Variants in CCDC171 observed in about 807,000 individuals in gnomAD.
CCDC171 encodes the protein coiled-coil domain-containing protein 171.
CCDC171 carries 177 observed loss-of-function variants against 168.2 expected under a neutral mutation model. The observed-to-expected ratio is 1.05, with a 90% CI of 0.93 to 1.19. The LOEUF (loss-of-function observed/expected upper bound fraction) is 1.19, where lower values mean the gene tolerates loss of function less well. CCDC171 is among the 50% of genes most tolerant of loss of function. CCDC171 has a pLI of 0.00. For missense variants in CCDC171, 1,991 were observed against 1,539.0 expected (o/e 1.29, Z -4.91); for synonymous variants, 687 against 540.8 (o/e 1.27, Z -3.75).
rs140542766 is a variant in CCDC171, at chr9:15,644,066, A to G, written c.823-13061A>G. ...TGCATAATTTTTTGAATCTGTTTTCATTTCTCTTGGGCAAATATATAGGAA... is the reference window on the plus strand; with the variant it reads ...TGCATAATTTTTTGAATCTGTTTTCGTTTCTCTTGGGCAAATATATAGGAA... On this transcript the variant is annotated intron_variant, in intron 7 of 25. Coordinates refer to ENST00000380701, the MANE Select transcript of CCDC171 (RefSeq NM_173550.4). Among the ~76,000 whole-genome samples, 4 of 152,146 alleles carry G rather than the reference A, an allele frequency of 2.6e-5. No individual in the cohort carries two copies. The East Asian group carries it at 7.7e-4, about 29-fold the overall frequency.
chr9:15,568,563 C>G (rs1004334701), intron 2 of CCDC171, among the ~76,000 whole-genome samples: 5 of 152,204 alleles, frequency 3.3e-5, no homozygotes, highest in Admixed American at 2.6e-4. Context: ...AGCCACCGCA[C>G]CCAGCCTTAT....
chr9:16,000,639 G>T (rs1043775791), intron 3 of CCDC171, among the ~76,000 whole-genome samples: 1 of 151,878 alleles, frequency 6.6e-6, no homozygotes, highest in Non-Finnish European at 1.5e-5. Context: ...TGCCAGACAG[G>T]TATGTCTGTA....
intron 3 of CCDC171, among the ~76,000 whole-genome samples, chr9:16,018,291 G>A (rs948100112): frequency 2.0e-5 from 3 of 152,138 alleles, no homozygotes; most frequent in African/African-American, 7.2e-5. Flanking sequence ...ATTATCCTTA[G>A]CAAAACTGGA....
chr9:15,912,671 C>T (rs201095049), intron 24 of CCDC171, among the ~76,000 whole-genome samples: 2 of 152,026 alleles, frequency 1.3e-5, no homozygotes, highest in East Asian at 1.9e-4. Context: ...ATTGGCTGTG[C>T]GTTTGTCATA....
intron 1 of CCDC171, among the ~76,000 whole-genome samples, chr9:16,050,773 C>A (rs954369884): frequency 6.6e-6 from 1 of 152,214 alleles, no homozygotes; most frequent in East Asian, 1.9e-4. Context: ...AATAAAATTT[C>A]ACAAGATCTG....
Position 15,995,011 on chromosome 9 carries a change from C to T in CCDC171, n.369-25578C>T, listed in dbSNP as rs181273543. On this transcript the variant is annotated intron_variant and non_coding_transcript_variant, in intron 3 of 9. Transcript: ENST00000486641. ...AGGCCAGAGGTTGTGCCAGGCATGCCCAGCTGTGTTTTTAGTTGCTGTATT... is the reference window on the plus strand; with the variant it reads ...AGGCCAGAGGTTGTGCCAGGCATGCTCAGCTGTGTTTTTAGTTGCTGTATT... Among the ~76,000 whole-genome samples, 29 of 152,222 alleles carry T rather than the reference C, an allele frequency of 1.9e-4. No homozygotes were observed. The East Asian group carries it at 4.8e-3, about 25-fold the overall frequency.
intron 25 of CCDC171, among the ~76,000 whole-genome samples, chr9:15,920,955 T>C (rs1431422623): frequency 7.4e-6 from 1 of 134,404 alleles, no homozygotes; most frequent in African/African-American, 2.5e-5. Context: ...TTGGGCTCAC[T>C]TAACACTAAA....
intron 7 of CCDC171, among the ~76,000 whole-genome samples, chr9:15,627,885 T>C (rs542817523): frequency 1.4e-3 from 211 of 152,216 alleles, no homozygotes; most frequent in Non-Finnish European, 2.6e-3. Flanking sequence ...TTAACTTTCG[T>C]CTAGTTGATC....
intron 6 of CCDC171, among the ~76,000 whole-genome samples, chr9:15,609,998 G>A (rs545866527): frequency 2.6e-5 from 4 of 151,764 alleles, no homozygotes; most frequent in Non-Finnish European, 1.5e-5. Context: ...TATTTTCTGA[G>A]AGATTTTCTC....
intron 24 of CCDC171, among the ~76,000 whole-genome samples, chr9:15,907,663 C>T (rs1346022745): frequency 6.6e-6 from 1 of 152,188 alleles, no homozygotes; most frequent in African/African-American, 2.4e-5. Context: ...CAGATGGGAT[C>T]TAATTAAACT....
chr9:16,002,211 T>C (rs1448186600), intron 3 of CCDC171, among the ~76,000 whole-genome samples: 1 of 149,812 alleles, frequency 6.7e-6, no homozygotes, highest in East Asian at 2.0e-4. Flanking sequence ...AAGTTAACTG[T>C]AAAACAACCT....
At chr9:15,738,658 C>G (rs951712385) in intron 16 of CCDC171, among the ~76,000 whole-genome samples, 2 of 151,824 alleles carry the variant, frequency 1.3e-5, no homozygotes, top group Admixed American at 6.6e-5. Context: ...ATAGCTGTTT[C>G]CACCCTTACA....
intron 25 of CCDC171, among the ~76,000 whole-genome samples, chr9:15,937,900 A>T (rs1023330023): frequency 2.0e-5 from 3 of 151,962 alleles, no homozygotes; most frequent in African/African-American, 7.2e-5. Flanking sequence ...GTTAAGAGTT[A>T]ATACATAGAT....
chr9:15,890,747 C>T (rs1820110537), intron 24 of CCDC171, among the ~76,000 whole-genome samples: 3 of 151,920 alleles, frequency 2.0e-5, no homozygotes, highest in Admixed American at 2.0e-4. Flanking sequence ...TTAATTATAC[C>T]TCAATAAACC....
At chr9:15,771,143 T>C (rs1486427570) in intron 18 of CCDC171, among the ~76,000 whole-genome samples, 2 of 152,202 alleles carry the variant, frequency 1.3e-5, no homozygotes, top group Non-Finnish European at 2.9e-5. Context: ...TTTTTCGCCA[T>C]TTTAAGCAAT....
At chr9:15,878,848 C>T (rs2131303491) in intron 24 of CCDC171, among the ~76,000 whole-genome samples, 1 of 152,166 alleles carries the variant, frequency 6.6e-6, no homozygotes, top group East Asian at 1.9e-4. Context: ...AAGCTGGAGG[C>T]GATCATCCTC....
At chr9:16,020,155 T>G (rs1267872482) in intron 3 of CCDC171, among the ~76,000 whole-genome samples, 1 of 152,088 alleles carries the variant, frequency 6.6e-6, no homozygotes, top group Non-Finnish European at 1.5e-5. Flanking sequence ...AAATGGAAAA[T>G]TCCATACATA....
intron 21 of CCDC171, among the ~76,000 whole-genome samples, chr9:15,831,936 A>G (rs1283017402): frequency 2.0e-5 from 3 of 151,998 alleles, no homozygotes; most frequent in African/African-American, 7.3e-5. Context: ...CCTTATAGTT[A>G]GAGGGTGTTT....
chr9:15,861,428 C>G (rs986551915), intron 23 of CCDC171, among the ~76,000 whole-genome samples: 1 of 151,610 alleles, frequency 6.6e-6, no homozygotes, highest in Admixed American at 6.6e-5. Flanking sequence ...GTGCACAGTT[C>G]TTAGTTCATT....
Sources: allele counts gnomAD v4.1 joint callset (sites outside exome capture counted in the v4.1 genomes callset), GRCh38; gene constraint gnomAD v4.1.1; transcripts MANE v1.5; gene names NCBI Gene and HGNC (gene_info 2026-07-23, HGNC 2026-07-21).